Variants in DRC9 observed in about 807,000 individuals in gnomAD.
DRC9 encodes the protein dynein regulatory complex protein 9.
chr3:197,931,075 G>A, the DRC9 span, among the ~76,000 whole-genome samples: 3 of 151,842 alleles, frequency 2.0e-5, no homozygotes, highest in African/African-American at 7.3e-5. Context: ...GAAAGAGTTG[G>A]AAGACAAAGT....
At chr3:197,948,987 C>T in the DRC9 span, among the ~76,000 whole-genome samples, 1 of 152,202 alleles carries the variant, frequency 6.6e-6, no homozygotes, top group East Asian at 1.9e-4. Context: ...AGTCACCCTT[C>T]TGTTCAGGAC....
At chr3:197,915,682 T>G in the DRC9 span, among the ~76,000 whole-genome samples, 1 of 152,010 alleles carries the variant, frequency 6.6e-6, no homozygotes, top group Non-Finnish European at 1.5e-5. Context: ...CAGGCTGGAG[T>G]GTAGTGGCAT....
the DRC9 span, among the ~76,000 whole-genome samples, chr3:197,908,965 T>C: frequency 1.1e-4 from 17 of 152,242 alleles, no homozygotes; most frequent in Non-Finnish European, 2.2e-4. Context: ...TCCTCCCAGA[T>C]GAAGTTATCA....
the DRC9 span, among the ~76,000 whole-genome samples, chr3:197,942,094 G>A: frequency 6.6e-6 from 1 of 152,042 alleles, no homozygotes; most frequent in South Asian, 2.1e-4. Context: ...AGGGATCTAT[G>A]GGTCATTTAG....
the DRC9 span, among the ~76,000 whole-genome samples, chr3:197,925,717 G>A: frequency 6.6e-6 from 1 of 151,604 alleles, no homozygotes; most frequent in Non-Finnish European, 1.5e-5. Context: ...CCAAGTAGCT[G>A]GGATTACGGG....
the DRC9 span, chr3:197,960,095 T>A: frequency 1.3e-6 from 1 of 773,660 alleles, no homozygotes; most frequent in East Asian, 2.8e-5. Context: ...CGCCCTCATC[T>A]TCTGCGGCGA....
chr3:197,959,291 A>G, the DRC9 span: 1 of 152,118 alleles, frequency 6.6e-6, no homozygotes, highest in East Asian at 1.9e-4. Flanking sequence ...CTTTATTCAC[A>G]ATAGCAATTT....
the DRC9 span, chr3:197,938,771 C>G: frequency 6.2e-7 from 1 of 1,607,802 alleles, no homozygotes; most frequent in Non-Finnish European, 8.5e-7. Flanking sequence ...AGATTCATTT[C>G]TCTGCTTTTC....
the DRC9 span, among the ~76,000 whole-genome samples, chr3:197,933,341 T>A: frequency 2.1e-3 from 314 of 151,986 alleles, 2 homozygotes; most frequent in Non-Finnish European, 3.2e-3. Context: ...CTCGGGAGGC[T>A]GAGGCAGGAG....
chr3:197,917,762 G>A, the DRC9 span, among the ~76,000 whole-genome samples: 11 of 148,878 alleles, frequency 7.4e-5, no homozygotes, highest in Admixed American at 2.0e-4. Flanking sequence ...ACAGAGTCTC[G>A]CTGTGTTGCC....
chr3:197,943,613 T>A, the DRC9 span: 1 of 654,120 alleles, frequency 1.5e-6, no homozygotes, highest in South Asian at 2.0e-5. Context: ...CACTCCAGCT[T>A]AGGCCACAGA....
the DRC9 span, among the ~76,000 whole-genome samples, chr3:197,930,240 G>C: frequency 6.6e-6 from 1 of 151,774 alleles, no homozygotes; most frequent in Admixed American, 6.6e-5. Flanking sequence ...CCAGCGACTT[G>C]AGGGGGCTGA....
At chr3:197,930,402 A>C in the DRC9 span, among the ~76,000 whole-genome samples, 1 of 152,134 alleles carries the variant, frequency 6.6e-6, no homozygotes, top group Admixed American at 6.6e-5. Flanking sequence ...TAACATTTTG[A>C]AAAATTAAAC....
chr3:197,932,975 T>TATTA, the DRC9 span, among the ~76,000 whole-genome samples: 4 of 141,550 alleles, frequency 2.8e-5, no homozygotes, highest in Admixed American at 1.5e-4. Flanking sequence ...TATTATATTA[T>TATTA]ATTGTATTAT....
the DRC9 span, among the ~76,000 whole-genome samples, chr3:197,890,043 A>G: frequency 6.6e-6 from 1 of 152,186 alleles, no homozygotes; most frequent in African/African-American, 2.4e-5. Flanking sequence ...CTTAACAGCT[A>G]TTTGAACCAA....
At chr3:197,930,325 G>A in the DRC9 span, among the ~76,000 whole-genome samples, 2 of 152,112 alleles carry the variant, frequency 1.3e-5, no homozygotes, top group Non-Finnish European at 2.9e-5. Context: ...TCTAGCCTGA[G>A]TGACAAAAAA....
At chr3:197,947,926 A>G in the DRC9 span, among the ~76,000 whole-genome samples, 1 of 119,064 alleles carries the variant, frequency 8.4e-6, no homozygotes, top group African/African-American at 3.2e-5. Context: ...CTCCTGCTTT[A>G]CCTTTTTTTT....
chr3:197,915,163 CAAA>C, the DRC9 span, among the ~76,000 whole-genome samples: 5 of 71,356 alleles, frequency 7.0e-5, no homozygotes, highest in Admixed American at 1.7e-4. Flanking sequence ...GATTCTGTCT[CAAA>C]AAAAAAAAAA....
the DRC9 span, among the ~76,000 whole-genome samples, chr3:197,945,417 G>C: frequency 6.6e-6 from 1 of 152,160 alleles, no homozygotes; most frequent in Admixed American, 6.5e-5. Context: ...GTTCAGGAGA[G>C]ACCTCAAGCC....
Sources: allele counts gnomAD v4.1 joint callset (sites outside exome capture counted in the v4.1 genomes callset), GRCh38; gene constraint gnomAD v4.1.1; transcripts MANE v1.5; gene names NCBI Gene and HGNC (gene_info 2026-07-23, HGNC 2026-07-21).